Variants in MGA observed in about 807,000 individuals in gnomAD.
MGA encodes MAX dimerization protein MGA, also known as MAX gene-associated protein.
MGA carries 40 observed loss-of-function variants against 261.1 expected under a neutral mutation model. That is an observed-to-expected ratio of 0.15 (90% CI 0.12 to 0.20). The LOEUF is 0.20. Ranked by LOEUF, MGA falls within the 10% of genes least tolerant of loss-of-function variation. MGA has a pLI of 1.00. For synonymous variants in MGA, 1,302 were observed against 1,290.6 expected, an observed-to-expected ratio of 1.01 and a Z score of -0.19; for missense variants, 3,397 against 3,630.5, an observed-to-expected ratio of 0.94 and a Z score of 1.65.
rs774901898 is a variant in MGA at position 41,727,064 on chromosome 15, A to G, written c.3431-116A>G. The G allele has an allele frequency of 5.8e-5, 41 of 711,186 alleles. No homozygotes were observed. The Middle Eastern group carries it at 1.6e-3, about 28-fold the overall frequency. The allele number at this position is 711,186 out of a possible 1,614,324, so 44.1% of individuals were successfully genotyped here. On this transcript the variant is annotated intron_variant, in intron 9 of 23. Coordinates refer to ENST00000219905, the MANE Select transcript of MGA (RefSeq NM_001164273.2). ...GTTTGGGGAGGGGGTCGTCTATTTG[A>G]TTATTTTAACGAGTTACTGCCTTTT...
At chr15:41,628,502 C>T (rs2056512540) in intron 1 of MGA, among the ~76,000 whole-genome samples, 1 of 151,756 alleles carries the variant, frequency 6.6e-6, no homozygotes, top group South Asian at 2.1e-4. Flanking sequence ...ATAACACGAC[C>T]TGAATGATAA....
intron 2 of MGA, among the ~76,000 whole-genome samples, chr15:41,692,795 T>C (rs2059353646): frequency 6.6e-6 from 1 of 152,174 alleles, no homozygotes; most frequent in Non-Finnish European, 1.5e-5. Context: ...CACTGCAACC[T>C]CTGCCTCCTG....
intron 1 of MGA, among the ~76,000 whole-genome samples, chr15:41,661,478 C>CT (rs974370693): frequency 3.9e-5 from 6 of 152,064 alleles, no homozygotes; most frequent in Non-Finnish European, 7.4e-5. Context: ...TTTGCCTTGC[C>CT]TTTCGAACCC....
intron 5 of MGA, 65 bp from the exon 6 acceptor site, chr15:41,707,663 C>T: frequency 6.9e-7 from 1 of 1,454,910 alleles, no homozygotes; most frequent in Non-Finnish European, 9.3e-7. Context: ...AAGTTAAAAA[C>T]AAAGAAGGGA....
chr15:41,669,721 G>T lies in MGA; in HGVS notation c.827G>T (p.Ser276Ile), dbSNP rs1566953349. The T allele has an allele frequency of 6.2e-7, 1 of 1,613,534 alleles. No homozygotes were observed. The highest frequency in any genetic ancestry group is 8.5e-7 in the Non-Finnish European group (1 of 1,179,622). Residue 276 changes from serine to isoleucine, a missense_variant, in exon 2 of 24, where the codon AGC becomes ATC. Transcript: ENST00000219905. ...CAGAGAGATGGAAAACAAAAGAACAGCTCTGACCAAGAAGGGAATAATATT... is the reference window on the plus strand; with the variant it reads ...CAGAGAGATGGAAAACAAAAGAACATCTCTGACCAAGAAGGGAATAATATT...
chr15:41,726,686 G>A (rs960146803), intron 9 of MGA, among the ~76,000 whole-genome samples: 3 of 150,202 alleles, frequency 2.0e-5, no homozygotes, highest in Admixed American at 6.6e-5. Flanking sequence ...CCAAGATTGC[G>A]CCATTGCACT....
At chr15:41,746,020 C>T (rs528143613) in intron 15 of MGA, among the ~76,000 whole-genome samples, 1 of 152,224 alleles carries the variant, frequency 6.6e-6, no homozygotes, top group East Asian at 1.9e-4. Context: ...TAAAGAGGAT[C>T]CCCTGTTGGC....
intron 2 of MGA, among the ~76,000 whole-genome samples, chr15:41,674,745 C>G (rs1420781375): frequency 6.6e-6 from 1 of 152,114 alleles, no homozygotes. Context: ...GTCTCGATCT[C>G]TTGACCTCTT....
Position 41,753,377 on chromosome 15 carries a change from CTT to C in MGA, c.7009-1046_7009-1045del, listed in dbSNP as rs35896458. ...TACTATGTTTCTGGCATAGTAAACA[CTT>C]TTTTTTTTTTTTTGAGGGGGCACAG... On this transcript the variant is annotated intron_variant, in intron 17 of 23. Transcript: ENST00000219905. Among the ~76,000 whole-genome samples, 170 of 143,784 alleles carry C rather than the reference CTT, an allele frequency of 1.2e-3. 1 individual carries two copies. The highest frequency in any genetic ancestry group is 3.3e-3 in the African/African-American group (127 of 39,058). 94.3% of individuals were successfully genotyped at this position (143,784 alleles called of 152,430 possible).
chr15:41,728,848 T>C (rs1415419574), intron 10 of MGA, among the ~76,000 whole-genome samples: 1 of 152,216 alleles, frequency 6.6e-6, no homozygotes, highest in Non-Finnish European at 1.5e-5. Context: ...ATGTTTTTAG[T>C]TTTTCTAGTA....
chr15:41,666,884 A>T (rs1393057513), intron 1 of MGA, among the ~76,000 whole-genome samples: 1 of 152,246 alleles, frequency 6.6e-6, no homozygotes, highest in African/African-American at 2.4e-5. Context: ...AGTGGGTTTT[A>T]ACAGTGAATT....
At chr15:41,743,194 C>T in intron 15 of MGA, 22 bp downstream of exon 15, 1 of 1,579,706 alleles carries the variant, frequency 6.3e-7, no homozygotes. Flanking sequence ...ATGTTACTAG[C>T]TGCTTTATTT....
At chr15:41,638,693 T>C (rs368025730) in intron 1 of MGA, among the ~76,000 whole-genome samples, 38 of 146,894 alleles carry the variant, frequency 2.6e-4, no homozygotes, top group East Asian at 5.8e-4. Flanking sequence ...TTTTTCTTTT[T>C]TTTTTTTTTT....
At chr15:41,627,073 A>AT (rs1221505833) in intron 1 of MGA, among the ~76,000 whole-genome samples, 5 of 151,870 alleles carry the variant, frequency 3.3e-5, no homozygotes, top group African/African-American at 7.3e-5. Context: ...CATCCAGCTA[A>AT]TTTTTTTGTA....
chr15:41,667,233 A>G (rs1378981013), intron 1 of MGA, among the ~76,000 whole-genome samples: 1 of 151,700 alleles, frequency 6.6e-6, no homozygotes, highest in Non-Finnish European at 1.5e-5. Flanking sequence ...AAAAATTATT[A>G]TTACTGTTAA....
At position 41,692,081 on chromosome 15, in the gene MGA, C is replaced by T. The variant is rs537534949; in HGVS notation, c.1065-3994C>T. The stretch of plus-strand genomic sequence containing the variant: ...GTATGTTAGATCATTTTATGTTGTC[C>T]CAGAGATCTCTGACACTTTTTTGTT... On this transcript the variant is annotated intron_variant, in intron 2 of 23. Transcript: ENST00000219905. Among the ~76,000 whole-genome samples the T allele has an allele frequency of 4.3e-4, 66 of 151,998 alleles. No homozygotes were observed. The South Asian group carries it at 0.01, about 24-fold the overall frequency.
intron 1 of MGA, among the ~76,000 whole-genome samples, chr15:41,626,583 C>A (rs551601972): frequency 1.3e-5 from 2 of 151,838 alleles, no homozygotes; most frequent in African/African-American, 4.8e-5. Flanking sequence ...CCATCACGCC[C>A]GGCTAATTTT....
At chr15:41,741,675 A>G (rs1241014800) in intron 14 of MGA, among the ~76,000 whole-genome samples, 2 of 152,140 alleles carry the variant, frequency 1.3e-5, no homozygotes, top group African/African-American at 4.8e-5. Flanking sequence ...AATATATTGC[A>G]CAGTCAAAAG....
At chr15:41,640,888 C>T (rs868859892) in intron 1 of MGA, among the ~76,000 whole-genome samples, 2 of 152,274 alleles carry the variant, frequency 1.3e-5, no homozygotes, top group South Asian at 4.1e-4. Flanking sequence ...GTGTATAATT[C>T]AGTGGTTTTT....
Sources: gnomAD v4.1 joint callset for allele counts (sites outside exome capture counted in the v4.1 genomes callset) on GRCh38, gnomAD v4.1.1 for gene constraint, MANE v1.5 for transcripts, NCBI Gene and HGNC (gene_info 2026-07-23, HGNC 2026-07-21) for gene names.